Variants in DPYD observed in about 807,000 individuals in gnomAD.
DPYD encodes dihydropyrimidine dehydrogenase [NADP(+)].
In DPYD, 109 loss-of-function variants were observed where a neutral mutation model predicts 116.2. The ratio of observed to expected loss-of-function variants is 0.94; its 90% CI spans 0.80 to 1.10. The LOEUF (loss-of-function observed/expected upper bound fraction) is 1.10. Ranked by LOEUF, DPYD falls within the 50% of genes least tolerant of loss-of-function variation. DPYD has a pLI of 0.00. For synonymous variants in DPYD, 440 were observed against 432.0 expected, an observed-to-expected ratio of 1.02 and a Z score of -0.23; for missense variants, 1,302 against 1,254.5, an observed-to-expected ratio of 1.04 and a Z score of -0.57.
chr1:97,414,523 A>G (rs1674183524), intron 14 of DPYD, among the ~76,000 whole-genome samples: 1 of 152,196 alleles, frequency 6.6e-6, no homozygotes, highest in South Asian at 2.1e-4. Context: ...TCTGATGTGC[A>G]TCAGAGGGGG....
intron 2 of DPYD, 91 bp from the exon 3 acceptor site, chr1:97,828,287 G>T: frequency 8.6e-7 from 1 of 1,167,494 alleles, no homozygotes; most frequent in Non-Finnish European, 1.2e-6. Context: ...TGATTATATT[G>T]ATCATGGACT....
intron 16 of DPYD, among the ~76,000 whole-genome samples, chr1:97,328,392 T>C (rs906711089): frequency 3.3e-5 from 5 of 152,160 alleles, no homozygotes; most frequent in Non-Finnish European, 7.4e-5. Flanking sequence ...AGTCACTATA[T>C]AGTATGTTAG....
intron 3 of DPYD, among the ~76,000 whole-genome samples, chr1:97,766,713 T>C (rs957640538): frequency 6.6e-6 from 1 of 152,146 alleles, no homozygotes; most frequent in South Asian, 2.1e-4. Flanking sequence ...CAAAGAAGCA[T>C]TCTTGAAAAT....
At chr1:97,410,915 C>A (rs1401803083) in intron 14 of DPYD, among the ~76,000 whole-genome samples, 1 of 152,286 alleles carries the variant, frequency 6.6e-6, no homozygotes, top group East Asian at 1.9e-4. Flanking sequence ...GAGCCCCAGA[C>A]ATGTGTGCCT....
At chr1:97,668,006 G>C (rs1178192068) in intron 8 of DPYD, among the ~76,000 whole-genome samples, 1 of 152,048 alleles carries the variant, frequency 6.6e-6, no homozygotes, top group African/African-American at 2.4e-5. Context: ...ACATAGAATA[G>C]TCAAATTCAT....
At chr1:97,509,230 G>T (rs960332465) in intron 13 of DPYD, among the ~76,000 whole-genome samples, 6 of 151,986 alleles carry the variant, frequency 3.9e-5, no homozygotes, top group Non-Finnish European at 7.4e-5. Flanking sequence ...GCAGCAATAG[G>T]TACGTGATGC....
At chr1:97,696,023 GGGAGGC>G (rs1661282132) in intron 6 of DPYD, among the ~76,000 whole-genome samples, 1 of 151,924 alleles carries the variant, frequency 6.6e-6, no homozygotes, top group South Asian at 2.1e-4. Flanking sequence ...CCAGCTACTT[GGGAGGC>G]GGAGGCAGAA....
chr1:97,909,496 T>C (rs1316477081), intron 1 of DPYD, among the ~76,000 whole-genome samples: 1 of 152,078 alleles, frequency 6.6e-6, no homozygotes, highest in Non-Finnish European at 1.5e-5. Flanking sequence ...AATGCCATTG[T>C]CTTACTTCCT....
At chr1:97,804,469 G>GA (rs1667990060) in intron 3 of DPYD, among the ~76,000 whole-genome samples, 1 of 151,672 alleles carries the variant, frequency 6.6e-6, no homozygotes, top group Non-Finnish European at 1.5e-5. Context: ...ATTTCATTAA[G>GA]AAAAATAAAT....
rs1450048437 is a variant in DPYD, at chr1:97,342,337, G to A, written c.2058+31224C>T. Among the ~76,000 whole-genome samples the A allele has an allele frequency of 3.9e-5, 6 of 152,208 alleles. No homozygotes were observed. In the East Asian group the frequency reaches 1.2e-3, roughly 29 times the overall value. ...AACTAATTTAATTTTTCAAAGGATG[G>A]TTGGAATGGTATTTCAGTGAATAAG... On this transcript the variant is annotated intron_variant, in intron 16 of 22. Transcript: ENST00000370192.
chr1:97,196,974 C>T (rs1350990810), intron 19 of DPYD, among the ~76,000 whole-genome samples: 2 of 152,048 alleles, frequency 1.3e-5, no homozygotes, highest in African/African-American at 4.8e-5. Flanking sequence ...TTCAATTTAC[C>T]TTCTTACTTG....
chr1:97,859,505 A>AGTGAAATG (rs1671012304), intron 2 of DPYD, among the ~76,000 whole-genome samples: 1 of 152,166 alleles, frequency 6.6e-6, no homozygotes. Flanking sequence ...TGAAAATGCT[A>AGTGAAATG]TATAAACTGC....
chr1:97,339,810 G>C (rs1669504150), intron 16 of DPYD, among the ~76,000 whole-genome samples: 1 of 152,240 alleles, frequency 6.6e-6, no homozygotes, highest in East Asian at 1.9e-4. Context: ...TAAAATTTAT[G>C]TTTGTGTGTG....
intron 14 of DPYD, among the ~76,000 whole-genome samples, chr1:97,399,617 A>G (rs1018422274): frequency 6.6e-5 from 10 of 151,906 alleles, no homozygotes; most frequent in African/African-American, 2.4e-4. Flanking sequence ...ATCCTCTTTT[A>G]TTATGTTGAG....
At chr1:97,534,624 C>G (rs1388992848) in intron 12 of DPYD, among the ~76,000 whole-genome samples, 1 of 151,912 alleles carries the variant, frequency 6.6e-6, no homozygotes, top group Non-Finnish European at 1.5e-5. Context: ...ACAATTTTTA[C>G]AACATTTTCA....
At chr1:97,596,139 G>A (rs985314027) in intron 8 of DPYD, among the ~76,000 whole-genome samples, 10 of 151,998 alleles carry the variant, frequency 6.6e-5, no homozygotes, top group African/African-American at 1.7e-4. Flanking sequence ...TAGTTTTACC[G>A]TATAAAAGAA....
chr1:97,517,069 C>T (rs1255080308), intron 12 of DPYD, among the ~76,000 whole-genome samples: 2 of 151,972 alleles, frequency 1.3e-5, no homozygotes, highest in Non-Finnish European at 2.9e-5. Context: ...TTATTTCTGG[C>T]CCTCCACCAC....
chr1:97,225,967 T>C (rs1385016476), intron 19 of DPYD, among the ~76,000 whole-genome samples: 1 of 152,108 alleles, frequency 6.6e-6, no homozygotes, highest in Non-Finnish European at 1.5e-5. Flanking sequence ...GTATCTCTGA[T>C]AAACATGGTT....
chr1:97,677,287 G>A (rs1378997344), intron 8 of DPYD, among the ~76,000 whole-genome samples: 2 of 152,094 alleles, frequency 1.3e-5, no homozygotes, highest in Non-Finnish European at 2.9e-5. Flanking sequence ...AGTTCTTACA[G>A]ATACATGTAT....
Sources: allele counts gnomAD v4.1 joint callset (sites outside exome capture counted in the v4.1 genomes callset), GRCh38; gene constraint gnomAD v4.1.1; transcripts MANE v1.5; gene names NCBI Gene and HGNC (gene_info 2026-07-23, HGNC 2026-07-21).